The following COL24A1 variants were observed in gnomAD, a reference collection of about 807,000 sequenced individuals.
COL24A1 encodes the protein collagen type XXIV alpha 1 chain, also known as collagen alpha-1(XXIV) chain.
A neutral mutation model predicts 253.9 loss-of-function variants in COL24A1; 224 were observed. The ratio of observed to expected loss-of-function variants is 0.88; its 90% CI spans 0.79 to 0.99. The LOEUF (loss-of-function observed/expected upper bound fraction) is 0.99, where lower values mean the gene tolerates loss of function less well. Ranked by LOEUF, COL24A1 falls within the 50% of genes least tolerant of loss-of-function variation. The pLI is 0.00. For synonymous variants in COL24A1, 685 were observed against 673.7 expected (o/e 1.02, Z -0.26); for missense variants, 2,131 against 2,068.5 (o/e 1.03, Z -0.59).
At chr1:86,054,701 A>G (rs1056465287) in intron 10 of COL24A1, among the ~76,000 whole-genome samples, 1 of 152,236 alleles carries the variant, frequency 6.6e-6, no homozygotes, top group African/African-American at 2.4e-5. Context: ...TGGTAATGCA[A>G]ATTAGTTCAG....
At chr1:86,140,795 T>C (rs1307452347) in intron 2 of COL24A1, among the ~76,000 whole-genome samples, 2 of 152,170 alleles carry the variant, frequency 1.3e-5, no homozygotes, top group African/African-American at 4.8e-5. Flanking sequence ...TAAGAAAAGG[T>C]ATCTACATCT....
intron 20 of COL24A1, among the ~76,000 whole-genome samples, chr1:85,979,919 T>C (rs191599048): frequency 6.6e-6 from 1 of 152,236 alleles, no homozygotes; most frequent in Admixed American, 6.5e-5. Context: ...CTGATGAATA[T>C]AGATGCAAAA....
intron 57 of COL24A1, 114 bp downstream of exon 57, chr1:85,744,552 G>T: frequency 2.7e-6 from 2 of 743,238 alleles, no homozygotes; most frequent in Non-Finnish European, 4.0e-6. Context: ...AATGGCTTCT[G>T]CCAGGGTTTT....
At chr1:85,744,984 T>C (rs1391794729) in intron 56 of COL24A1, 150 bp from the exon 57 acceptor site, 2 of 579,212 alleles carry the variant, frequency 3.5e-6, no homozygotes, top group Non-Finnish European at 5.9e-6. Flanking sequence ...CATATGTGTA[T>C]GCTTTAATAA....
intron 1 of COL24A1, chr1:86,156,019 G>C (rs1156691573): frequency 3.8e-6 from 1 of 263,832 alleles, no homozygotes; most frequent in East Asian, 7.2e-5. Context: ...GCTGGAGCCA[G>C]AGAGATCGTC....
In COL24A1 at chr1:85,730,488, T is replaced by C; in HGVS notation, c.*58A>G. ...AATGACTGTATCTGTCTGTCTTATTTCTCCCTCTGCAGCAATTACCTGGCC... is the reference window on the plus strand; with the variant it reads ...AATGACTGTATCTGTCTGTCTTATTCCTCCCTCTGCAGCAATTACCTGGCC... On this transcript the variant is annotated 3_prime_UTR_variant, in exon 60 of 60. Coordinates refer to ENST00000370571, the MANE Select transcript of COL24A1 (RefSeq NM_152890.7). 6.4e-7 allele frequency: 1 copy of C among 1,574,312 alleles called. No homozygotes were observed.
At chr1:85,906,549 T>C (rs767718975) in intron 28 of COL24A1, among the ~76,000 whole-genome samples, 76 of 151,754 alleles carry the variant, frequency 5.0e-4, no homozygotes, top group Admixed American at 5.3e-4. Flanking sequence ...TTCCCTCAAC[T>C]ATAATAGCTA....
intron 2 of COL24A1, among the ~76,000 whole-genome samples, chr1:86,127,171 T>C (rs935447720): frequency 7.2e-5 from 11 of 152,128 alleles, no homozygotes; most frequent in African/African-American, 2.2e-4. Context: ...GGTTTTTCTG[T>C]CCCTTCCAAG....
chr1:85,833,119 G>A (rs546086894), intron 43 of COL24A1, among the ~76,000 whole-genome samples: 1 of 152,232 alleles, frequency 6.6e-6, no homozygotes, highest in South Asian at 2.1e-4. Flanking sequence ...CTAATTAATG[G>A]AGAGTTTTTA....
intron 24 of COL24A1, among the ~76,000 whole-genome samples, chr1:85,933,521 A>G (rs1387316735): frequency 6.6e-6 from 1 of 152,198 alleles, no homozygotes; most frequent in Non-Finnish European, 1.5e-5. Context: ...TACACTTGGA[A>G]TGCTCCATCC....
rs201907029 is a variant in COL24A1 at position 85,847,666 on chromosome 1, A to G, written c.3461T>C (p.Val1154Ala). Residue 1154 changes from valine (V) to alanine (A), a missense_variant and splice_region_variant, in exon 39 of 60, where the codon GTG (valine) becomes GCG (alanine). By Grantham distance (64) the Val-to-Ala change is moderately conservative (BLOSUM62 0). Transcript: ENST00000370571. The part of the protein sequence containing the change: ...PKGARGTRGA[V>A]GHLGLMGPDG... ...TCTGGAAGCAAGTCAAATACTGACCACAGCACCTCTAGTTCCTCTGGCACC... is the reference window on the plus strand; with the variant it reads ...TCTGGAAGCAAGTCAAATACTGACCGCAGCACCTCTAGTTCCTCTGGCACC... 1.4e-5 allele frequency: 22 copies of G among 1,612,000 alleles called. No homozygotes were observed. In the South Asian group the frequency reaches 2.4e-4, roughly 18 times the overall value.
In COL24A1 at chr1:85,946,509, A is replaced by G. The variant is rs190108739; in HGVS notation, c.2562+14740T>C. ...CATGAGAAACCTGGGGAGAAGGAGAAATGTAACTGCCTTGTTATCCTTCTC... is the reference window on the plus strand; with the variant it reads ...CATGAGAAACCTGGGGAGAAGGAGAGATGTAACTGCCTTGTTATCCTTCTC... On this transcript the variant is annotated intron_variant, in intron 24 of 59. Coordinates refer to ENST00000370571, the MANE Select transcript of COL24A1 (RefSeq NM_152890.7). 2.1e-3 allele frequency among the ~76,000 whole-genome samples: 313 copies of G among 152,260 alleles called. 11 individuals are homozygous for G. In the South Asian group the frequency reaches 0.052, roughly 25 times the overall value.
rs1553173097 is a variant in COL24A1 at position 85,778,023 on chromosome 1, C to CTCTATCTATCTATCTATCTGTCTATCTA, written c.4339-2315_4339-2314insTAGATAGACAGATAGATAGATAGATAGA. On this transcript the variant is annotated intron_variant, in intron 52 of 59. Coordinates refer to ENST00000370571, the MANE Select transcript of COL24A1 (RefSeq NM_152890.7). ...GGTATATGTGTGTATATGTCTCTAT[C>CTCTATCTATCTATCTATCTGTCTATCTA]TCTATCTATCTATCTATCTATCTAT... is the stretch of plus-strand genomic sequence containing the variant. Among the ~76,000 whole-genome samples, 4 of 149,244 alleles carry CTCTATCTATCTATCTATCTGTCTATCTA rather than the reference C, an allele frequency of 2.7e-5. No homozygotes were observed. In the South Asian group the frequency reaches 6.4e-4, roughly 24 times the overall value.
At chr1:85,916,890 T>G (rs1370317603) in intron 24 of COL24A1, among the ~76,000 whole-genome samples, 2 of 152,206 alleles carry the variant, frequency 1.3e-5, no homozygotes, top group Non-Finnish European at 2.9e-5. Flanking sequence ...AACTCAGCAC[T>G]TCTAGTTGTT....
In COL24A1 at chr1:85,971,401, A is replaced by G; in HGVS notation, c.2365-8T>C. On this transcript the variant is annotated splice_region_variant and splice_polypyrimidine_tract_variant and intron_variant, in intron 20 of 59. Transcript: ENST00000370571. Reference sequence around the variant, plus strand: ...TCTATTTCCAAGGAGTCCCTATAAAAGCAATATAAATGCACACAATAGAAA... The same window carrying G: ...TCTATTTCCAAGGAGTCCCTATAAAGGCAATATAAATGCACACAATAGAAA... 6.2e-7 allele frequency: 1 copy of G among 1,606,420 alleles called. No homozygotes were observed. Among genetic ancestry groups the G allele is most frequent in the Non-Finnish European group, 8.5e-7 (1 of 1,175,916 alleles).
chr1:85,812,950 G>T (rs1300507680), intron 47 of COL24A1, among the ~76,000 whole-genome samples: 1 of 152,156 alleles, frequency 6.6e-6, no homozygotes, highest in African/African-American at 2.4e-5. Context: ...AGATAAGTTG[G>T]AGCTATAATA....
intron 7 of COL24A1, among the ~76,000 whole-genome samples, chr1:86,065,864 C>A (rs760110348): frequency 6.7e-6 from 1 of 150,364 alleles, no homozygotes; most frequent in African/African-American, 2.5e-5. Flanking sequence ...AAGTACTTAA[C>A]AGTGGGGGTA....
Position 85,842,074 on chromosome 1 carries a change from T to C in COL24A1, c.3564A>G (p.Gly1188=), listed in dbSNP as rs1429496724. Residue 1188 remains glycine (G), a synonymous_variant, in exon 41 of 60, where the codon GGA becomes GGG. Transcript: ENST00000370571. ...AGCCAATATATACACAAACCTTTTC[T>C]CCTTTAGGTCCTGGCAATCCAGAGG... ...PGPSGLPGPK[G]EKGYPGEDST... 1 of 1,613,404 alleles carries C rather than the reference T, an allele frequency of 6.2e-7. No homozygotes were observed. Among genetic ancestry groups the C allele is most frequent in the Non-Finnish European group, 8.5e-7 (1 of 1,179,586 alleles).
chr1:86,061,056 A>T (rs1417481065), intron 8 of COL24A1, among the ~76,000 whole-genome samples: 1 of 152,030 alleles, frequency 6.6e-6, no homozygotes, highest in Non-Finnish European at 1.5e-5. Context: ...AATGAGACAT[A>T]AGGTGTTTAT....
Sources: allele counts gnomAD v4.1 joint callset (sites outside exome capture counted in the v4.1 genomes callset), GRCh38; gene constraint gnomAD v4.1.1; transcripts MANE v1.5; gene names NCBI Gene and HGNC (gene_info 2026-07-23, HGNC 2026-07-21).